Variants in SEC14L1 observed in about 807,000 individuals in gnomAD.
The protein encoded by SEC14L1 is SEC14 like lipid binding 1, also known as SEC14-like protein 1.
In SEC14L1, 48 loss-of-function variants were observed where a neutral mutation model predicts 85.3. The observed-to-expected ratio is 0.56, with a 90% CI of 0.45 to 0.72. The LOEUF is 0.72. Ranked by LOEUF, SEC14L1 falls within the 30% of genes least tolerant of loss-of-function variation. The probability of loss-of-function intolerance (pLI) is 0.00; values close to 1 mark genes in which losing one functional copy is unlikely to be tolerated. For synonymous variants in SEC14L1, 391 were observed against 355.5 expected, an observed-to-expected ratio of 1.10 and a Z score of -1.12; for missense variants, 682 against 921.4, an observed-to-expected ratio of 0.74 and a Z score of 3.36.
chr17:77,216,762 G>A lies in SEC14L1; in HGVS notation c.*2739G>A. 1 of 915,024 alleles carries A rather than the reference G, an allele frequency of 1.1e-6. No individual in the cohort carries two copies. Among genetic ancestry groups the A allele is most frequent in the Non-Finnish European group, 1.6e-6 (1 of 613,472 alleles). 56.7% of individuals were successfully genotyped at this position (915,024 alleles called of 1,614,324 possible). A position where few individuals can be genotyped will look rare whatever the true frequency, so the allele number is the denominator to read the frequency against. ...GCTCAAAGCACATGACCGCACAAAT[G>A]CTTACAGGGTTTCCTCCCGAGTAAT... On this transcript the variant is annotated 3_prime_UTR_variant, in exon 17 of 17. Coordinates refer to ENST00000436233, the MANE Select transcript of SEC14L1 (RefSeq NM_001143998.2).
chr17:77,193,978 T>C (rs902832053), intron 6 of SEC14L1, among the ~76,000 whole-genome samples: 9 of 152,314 alleles, frequency 5.9e-5, no homozygotes, highest in African/African-American at 2.2e-4. Flanking sequence ...TGTTAGGGAA[T>C]TGTGGTTTTG....
At chr17:77,175,079 CAG>C (rs1399438076) in intron 3 of SEC14L1, among the ~76,000 whole-genome samples, 1 of 152,150 alleles carries the variant, frequency 6.6e-6, no homozygotes, top group Non-Finnish European at 1.5e-5. Flanking sequence ...GTGAGCATGT[CAG>C]GGCACAACAA....
chr17:77,101,973 T>C (rs2143319477), intron 3 of SEC14L1, among the ~76,000 whole-genome samples: 1 of 152,300 alleles, frequency 6.6e-6, no homozygotes, highest in East Asian at 1.9e-4. Context: ...TTTACATAGG[T>C]ACATCAAGAG....
intron 3 of SEC14L1, among the ~76,000 whole-genome samples, chr17:77,118,523 G>A (rs1972228151): frequency 1.3e-5 from 2 of 152,202 alleles, no homozygotes; most frequent in South Asian, 2.1e-4. Flanking sequence ...AGCCTCATAC[G>A]TTCCAAGGGC....
Position 77,212,156 on chromosome 17 carries a change from C to T in SEC14L1, c.1818C>T (p.Ser606=). The T allele has an allele frequency of 1.9e-6, 3 of 1,614,136 alleles. No individual in the cohort carries two copies. The highest frequency in any genetic ancestry group is 2.5e-6 in the Non-Finnish European group (3 of 1,180,046). Residue 606 remains serine (S), a synonymous_variant, in exon 15 of 17, where the codon AGC becomes AGT. Coordinates refer to ENST00000436233, the MANE Select transcript of SEC14L1 (RefSeq NM_001143998.2). Reference sequence around the variant, plus strand: ...TCTGGCAGCTGGGCCGCGACTACAGCATGGTGGAGTCGCCTCTGATCTGCA... The same window carrying T: ...TCTGGCAGCTGGGCCGCGACTACAGTATGGTGGAGTCGCCTCTGATCTGCA... ...DKVWQLGRDY[S]MVESPLICKE...
chr17:77,099,621 G>A (rs1456030785), intron 3 of SEC14L1, among the ~76,000 whole-genome samples: 2 of 152,164 alleles, frequency 1.3e-5, no homozygotes, highest in African/African-American at 4.8e-5. Flanking sequence ...CCCGGGTGTG[G>A]TGGCACACTC....
intron 2 of SEC14L1, among the ~76,000 whole-genome samples, chr17:77,092,951 CAAAAAA>C (rs35244244): frequency 2.4e-5 from 2 of 84,462 alleles, no homozygotes; most frequent in Admixed American, 1.3e-4. Context: ...AACTCCGTCT[CAAAAAA>C]AAAAAAAAAA....
At chr17:77,190,242 T>C (rs959516942) in intron 3 of SEC14L1, among the ~76,000 whole-genome samples, 3 of 152,224 alleles carry the variant, frequency 2.0e-5, no homozygotes, top group African/African-American at 4.8e-5. Context: ...CTTTCCCTCA[T>C]TGCTTTTACA....
At chr17:77,114,704 G>A (rs1233498034) in intron 3 of SEC14L1, among the ~76,000 whole-genome samples, 4 of 150,682 alleles carry the variant, frequency 2.7e-5, no homozygotes, top group Admixed American at 6.6e-5. Flanking sequence ...GCATGGTGGC[G>A]CATGCCTGTA....
intron 3 of SEC14L1, among the ~76,000 whole-genome samples, chr17:77,135,452 ATAGACT>A (rs1292578943): frequency 6.6e-6 from 1 of 152,192 alleles, no homozygotes; most frequent in East Asian, 1.9e-4. Flanking sequence ...CACACTGTGT[ATAGACT>A]TAGTTTATTC....
At chr17:77,157,569 C>G (rs1973866132) in intron 3 of SEC14L1, among the ~76,000 whole-genome samples, 1 of 151,816 alleles carries the variant, frequency 6.6e-6, no homozygotes, top group Admixed American at 6.6e-5. Context: ...GCTGCGTTGC[C>G]CAGGCTGGAG....
chr17:77,168,998 G>A (rs1222898632), intron 3 of SEC14L1, among the ~76,000 whole-genome samples: 3 of 136,832 alleles, frequency 2.2e-5, no homozygotes, highest in Non-Finnish European at 3.1e-5. Flanking sequence ...AAAGACCCGT[G>A]AGGAGCATCT....
At chr17:77,101,326 G>T (rs569568169) in intron 3 of SEC14L1, among the ~76,000 whole-genome samples, 17 of 151,960 alleles carry the variant, frequency 1.1e-4, no homozygotes, top group African/African-American at 3.9e-4. Flanking sequence ...GATTACAGGC[G>T]CACACCACGC....
chr17:77,200,409 TC>T (rs1475028654), intron 8 of SEC14L1, 74 bp from the exon 9 acceptor site: 1 of 1,180,844 alleles, frequency 8.5e-7, no homozygotes, highest in Admixed American at 2.0e-5. Context: ...GCTCAAGCGA[TC>T]CGTCCACCGC....
At position 77,212,148 on chromosome 17, in the gene SEC14L1, G is replaced by A. The variant is rs1333091981; in HGVS notation, c.1810G>A (p.Asp604Asn). 1.9e-6 allele frequency: 3 copies of A among 1,613,982 alleles called. No individual in the cohort carries two copies. The highest frequency in any genetic ancestry group is 2.5e-6 in the Non-Finnish European group (3 of 1,180,042). ...AGACAAAGTCTGGCAGCTGGGCCGC[G>A]ACTACAGCATGGTGGAGTCGCCTCT... Reference protein sequence around the residue: ...LIDKVWQLGRDYSMVESPLIC... With the variant: ...LIDKVWQLGRNYSMVESPLIC... Residue 604 changes from aspartate (D) to asparagine (N), a missense_variant, in exon 15 of 17, where the codon GAC (aspartate) becomes AAC (asparagine). Asp to Asn is a conservative substitution (Grantham distance 23). Around this residue, in one of 3 missense-constraint regions of SEC14L1, gnomAD observed 420 missense variants for 619.5 expected, o/e 0.68. Coordinates refer to ENST00000436233, the MANE Select transcript of SEC14L1 (RefSeq NM_001143998.2).
At chr17:77,129,111 G>C (rs1972538954) in intron 3 of SEC14L1, among the ~76,000 whole-genome samples, 2 of 152,138 alleles carry the variant, frequency 1.3e-5, no homozygotes, top group Non-Finnish European at 2.9e-5. Flanking sequence ...TAGGCGGGAC[G>C]ATAATAATAA....
intron 15 of SEC14L1, 121 bp downstream of exon 15, chr17:77,212,322 T>C (rs554886003): frequency 8.6e-6 from 12 of 1,397,254 alleles, no homozygotes; most frequent in Middle Eastern, 2.0e-4. Flanking sequence ...AGGCCCTGCT[T>C]GTGGAGGAGC....
At chr17:77,187,829 G>T (rs1291436857) in intron 3 of SEC14L1, among the ~76,000 whole-genome samples, 2 of 149,818 alleles carry the variant, frequency 1.3e-5, no homozygotes, top group Non-Finnish European at 2.9e-5. Flanking sequence ...ACTGCAGCCT[G>T]CACCTCCTGG....
intron 2 of SEC14L1, among the ~76,000 whole-genome samples, chr17:77,091,930 G>A (rs1421076340): frequency 6.6e-6 from 1 of 151,976 alleles, no homozygotes; most frequent in Admixed American, 6.6e-5. Context: ...TTCTGCCTCA[G>A]CCTCCCAAAT....
Sources: gnomAD v4.1 joint callset for allele counts (sites outside exome capture counted in the v4.1 genomes callset) on GRCh38, gnomAD v4.1.1 for gene constraint, gnomAD v4.1.1 regional missense constraint, MANE v1.5 for transcripts, NCBI Gene and HGNC (gene_info 2026-07-23, HGNC 2026-07-21) for gene names.